The following PCCA variants were observed in gnomAD, a reference collection of about 807,000 sequenced individuals.
The protein encoded by PCCA is propionyl-CoA carboxylase alpha chain, mitochondrial.
In PCCA, 74 loss-of-function variants were observed where a neutral mutation model predicts 101.3. The ratio of observed to expected loss-of-function variants is 0.73; its 90% CI spans 0.61 to 0.89. PCCA has a LOEUF of 0.89. Among genes scored for constraint, PCCA ranks in the 40% least tolerant of loss-of-function variants. The probability of loss-of-function intolerance (pLI) is 0.00; values close to 1 mark genes in which losing one functional copy is unlikely to be tolerated. For synonymous variants in PCCA, 294 were observed against 313.6 expected, an observed-to-expected ratio of 0.94 and a Z score of 0.66; for missense variants, 891 against 907.0, an observed-to-expected ratio of 0.98 and a Z score of 0.23.
chr13:100,437,868 C>T (rs2080056810), intron 20 of PCCA, among the ~76,000 whole-genome samples: 2 of 152,080 alleles, frequency 1.3e-5, no homozygotes, highest in South Asian at 4.1e-4. Context: ...GGGGGTTTTA[C>T]CATGTTGGCC....
chr13:100,517,450 T>C (rs2086921170), intron 22 of PCCA, among the ~76,000 whole-genome samples: 1 of 152,208 alleles, frequency 6.6e-6, no homozygotes, highest in Non-Finnish European at 1.5e-5. Context: ...CAGTCCTTGG[T>C]TCATTGATGT....
intron 18 of PCCA, among the ~76,000 whole-genome samples, chr13:100,341,191 A>G (rs9557419): frequency 0.71 from 107,756 of 151,878 alleles, 38,612 homozygotes; most frequent in Middle Eastern, 0.8. Flanking sequence ...AGAGATGAGA[A>G]GATATAGAAT....
intron 12 of PCCA, among the ~76,000 whole-genome samples, chr13:100,281,567 C>T (rs2064124408): frequency 6.6e-6 from 1 of 152,046 alleles, no homozygotes; most frequent in Non-Finnish European, 1.5e-5. Flanking sequence ...AATGGTAATA[C>T]TCAGAATTTA....
At chr13:100,131,919 G>A (rs549363696) in intron 4 of PCCA, among the ~76,000 whole-genome samples, 7 of 152,222 alleles carry the variant, frequency 4.6e-5, no homozygotes, top group Admixed American at 3.9e-4. Flanking sequence ...TGTAAGTGTG[G>A]AACAGGAGGA....
At chr13:100,201,857 C>CAAAAAAAAAAA (rs55669622) in intron 6 of PCCA, among the ~76,000 whole-genome samples, 1 of 60,732 alleles carries the variant, frequency 1.6e-5, no homozygotes, top group Non-Finnish European at 2.8e-5. Flanking sequence ...AACTGCGTCT[C>CAAAAAAAAAAA]AAAAAAAAAA....
At chr13:100,429,451 T>TG (rs1314213213) in intron 20 of PCCA, among the ~76,000 whole-genome samples, 1 of 152,176 alleles carries the variant, frequency 6.6e-6, no homozygotes, top group Non-Finnish European at 1.5e-5. Flanking sequence ...CTATAGTAAC[T>TG]GTAGGTACTT....
intron 21 of PCCA, among the ~76,000 whole-genome samples, chr13:100,507,114 GT>G (rs911231621): frequency 6.6e-6 from 1 of 152,042 alleles, no homozygotes; most frequent in African/African-American, 2.4e-5. Flanking sequence ...TTTTTCTTGA[GT>G]AAAAAGAAAA....
At chr13:100,249,972 T>G (rs184543174) in intron 8 of PCCA, among the ~76,000 whole-genome samples, 3 of 152,308 alleles carry the variant, frequency 2.0e-5, no homozygotes, top group African/African-American at 7.2e-5. Flanking sequence ...TTATTGCTGA[T>G]TTTTTTGGAA....
At chr13:100,288,723 A>G (rs1426128094) in intron 12 of PCCA, among the ~76,000 whole-genome samples, 2 of 152,166 alleles carry the variant, frequency 1.3e-5, no homozygotes, top group African/African-American at 4.8e-5. Context: ...TATCCAAGAC[A>G]CCTTTGCATT....
intron 6 of PCCA, among the ~76,000 whole-genome samples, chr13:100,169,036 T>C (rs1213079224): frequency 1.3e-5 from 2 of 152,188 alleles, no homozygotes; most frequent in Non-Finnish European, 1.5e-5. Flanking sequence ...AAATAGAATA[T>C]AGCTTCTGAT....
chr13:100,445,675 G>A (rs1428107043), intron 20 of PCCA, among the ~76,000 whole-genome samples: 1 of 151,998 alleles, frequency 6.6e-6, no homozygotes, highest in Non-Finnish European at 1.5e-5. Flanking sequence ...ATGTCTTTCT[G>A]TATGTACCTG....
chr13:100,344,058 G>A (rs1334416931), intron 18 of PCCA, among the ~76,000 whole-genome samples: 3 of 152,220 alleles, frequency 2.0e-5, no homozygotes, highest in Non-Finnish European at 4.4e-5. Context: ...CCGGGTAACA[G>A]AGCGAGACCC....
intron 1 of PCCA, among the ~76,000 whole-genome samples, chr13:100,093,957 G>T (rs979335821): frequency 1.4e-4 from 22 of 151,848 alleles, no homozygotes; most frequent in Admixed American, 2.0e-4. Context: ...GTCTGGGCAC[G>T]ATGGCTCATG....
At chr13:100,524,608 A>G (rs2087592791) in intron 22 of PCCA, among the ~76,000 whole-genome samples, 1 of 152,222 alleles carries the variant, frequency 6.6e-6, no homozygotes, top group African/African-American at 2.4e-5. Flanking sequence ...ACAGTGGCAC[A>G]CATCTGTAAC....
intron 19 of PCCA, among the ~76,000 whole-genome samples, chr13:100,415,622 A>C (rs1485319349): frequency 6.6e-6 from 1 of 152,238 alleles, no homozygotes; most frequent in Non-Finnish European, 1.5e-5. Flanking sequence ...CTTTTTAAAA[A>C]TAGCAGAATA....
Position 100,150,599 on chromosome 13 carries a change from A to G in PCCA, c.301-4380A>G. 6.7e-6 allele frequency: 8 copies of G among 1,195,878 alleles called. No homozygotes were observed. The Middle Eastern group carries it at 8.0e-4, about 119-fold the overall frequency. The allele number at this position is 1,195,878 out of a possible 1,614,324, so 74.1% of individuals were successfully genotyped here. A position where few individuals can be genotyped will look rare whatever the true frequency, so the allele number is the denominator to read the frequency against. ...AAGGGCCAGGGCTCTTTTGGCCTGC[A>G]GATGTCAGCCCACACATCTCCCTGT... On this transcript the variant is annotated intron_variant, in intron 4 of 23. Transcript: ENST00000376285.
chr13:100,279,497 G>A (rs1257296783), intron 12 of PCCA, among the ~76,000 whole-genome samples: 1 of 151,462 alleles, frequency 6.6e-6, no homozygotes, highest in East Asian at 1.9e-4. Context: ...TTTTTTTTGA[G>A]ACGGAGTCTT....
At chr13:100,489,307 C>CAA (rs71706045) in intron 21 of PCCA, among the ~76,000 whole-genome samples, 1 of 145,388 alleles carries the variant, frequency 6.9e-6, no homozygotes, top group Non-Finnish European at 1.5e-5. Context: ...GACTCCGTCT[C>CAA]AAAAAAAAAA....
At chr13:100,283,870 C>T (rs1371785654) in intron 12 of PCCA, among the ~76,000 whole-genome samples, 2 of 152,158 alleles carry the variant, frequency 1.3e-5, no homozygotes, top group African/African-American at 4.8e-5. Context: ...CAGGCTGCCG[C>T]CTCGTCCATG....
Sources: allele counts gnomAD v4.1 joint callset (sites outside exome capture counted in the v4.1 genomes callset), GRCh38; gene constraint gnomAD v4.1.1; transcripts MANE v1.5; gene names NCBI Gene and HGNC (gene_info 2026-07-23, HGNC 2026-07-21).